SOS2: variants seen among roughly 807,000 people sequenced by gnomAD.
SOS2 encodes the protein son of sevenless homolog 2.
SOS2 carries 65 observed loss-of-function variants against 148.2 expected under a neutral mutation model. That is an observed-to-expected ratio of 0.44 (90% CI 0.36 to 0.54). The LOEUF is 0.54. SOS2 is among the 20% of genes least tolerant of loss of function. The probability of loss-of-function intolerance (pLI) is 0.00; values close to 1 mark genes in which losing one functional copy is unlikely to be tolerated. For missense variants in SOS2, 1,341 were observed against 1,590.2 expected, an observed-to-expected ratio of 0.84 and a Z score of 2.67; for synonymous variants, 539 against 537.1, an observed-to-expected ratio of 1.00 and a Z score of -0.05.
chr14:50,131,445 T>C (rs1383520338), intron 19 of SOS2, among the ~76,000 whole-genome samples: 1 of 152,186 alleles, frequency 6.6e-6, no homozygotes, highest in East Asian at 1.9e-4. Flanking sequence ...AAAAAGTGCA[T>C]GGCAAATGTC....
Position 50,150,146 on chromosome 14 carries a change from T to C in SOS2, c.2246A>G (p.Asn749Ser), listed in dbSNP as rs761689009. Residue 749 changes from asparagine to serine, a missense_variant, in exon 14 of 23, where the codon AAT becomes AGT. Transcript: ENST00000216373. ...KQAQANGVSH[N>S]ITFESPPPPI... ...TGGAGGTGGACTTTCAAAGGTAATA[T>C]TATGGCTTACTCCGTTTGCCTGAGC... is the stretch of plus-strand genomic sequence containing the variant. The C allele has an allele frequency of 1.7e-5, 28 of 1,613,320 alleles. No individual in the cohort carries two copies. The highest frequency in any genetic ancestry group is 1.1e-5 in the South Asian group (1 of 91,066).
At chr14:50,133,512 T>C (rs1326139314) in intron 19 of SOS2, among the ~76,000 whole-genome samples, 1 of 152,226 alleles carries the variant, frequency 6.6e-6, no homozygotes, top group Non-Finnish European at 1.5e-5. Flanking sequence ...TATGAACTTT[T>C]TGAAGTCCCC....
chr14:50,215,083 G>A (rs919632822), intron 1 of SOS2, among the ~76,000 whole-genome samples: 11 of 151,586 alleles, frequency 7.3e-5, no homozygotes, highest in African/African-American at 1.9e-4. Context: ...TGATCTGCCC[G>A]CCTCGTCCTC....
chr14:50,199,045 C>T (rs544843837), intron 4 of SOS2, among the ~76,000 whole-genome samples: 5 of 152,212 alleles, frequency 3.3e-5, no homozygotes, highest in African/African-American at 1.2e-4. Flanking sequence ...CCTAGCTACT[C>T]GAGAGGCTGA....
intron 14 of SOS2, among the ~76,000 whole-genome samples, chr14:50,148,772 A>G (rs1036875814): frequency 6.6e-6 from 1 of 152,268 alleles, no homozygotes; most frequent in Admixed American, 6.5e-5. Flanking sequence ...TAAAGAACAT[A>G]AAGTAAACAT....
chr14:50,194,066 A>G (rs1886241402), intron 4 of SOS2, among the ~76,000 whole-genome samples: 1 of 152,174 alleles, frequency 6.6e-6, no homozygotes, highest in Admixed American at 6.5e-5. Context: ...ATTTTAGCTA[A>G]GCATATGACA....
At chr14:50,166,325 C>T (rs887454725) in intron 8 of SOS2, among the ~76,000 whole-genome samples, 2 of 152,042 alleles carry the variant, frequency 1.3e-5, no homozygotes, top group African/African-American at 4.8e-5. Flanking sequence ...CGGGTTCAAG[C>T]GATCCTCCTG....
At position 50,216,044 on chromosome 14, in the gene SOS2, A is replaced by G. The variant is rs138126855; in HGVS notation, c.88-11635T>C. Among the ~76,000 whole-genome samples the G allele has an allele frequency of 5.8e-3, 878 of 152,248 alleles. 9 individuals carry two copies. The highest frequency in any genetic ancestry group is 0.02 in the African/African-American group (844 of 41,552). On this transcript the variant is annotated intron_variant, in intron 1 of 22. Transcript: ENST00000216373. ...TTTCCACAAGGATGCAAATATCTCA[A>G]ACATCAATTAAGAATACTGGCAATG...
chr14:50,156,705 T>TA lies in SOS2; in HGVS notation c.2057+293dup, dbSNP rs139321261. 0.026 allele frequency: 4,060 copies of TA among 158,304 alleles called. 195 individuals are homozygous for TA. The highest frequency in any genetic ancestry group is 0.09 in the African/African-American group (3,773 of 41,718). The allele number at this position is 158,304 out of a possible 1,614,324, so 9.8% of individuals were successfully genotyped here. A position where few individuals can be genotyped will look rare whatever the true frequency, so the allele number is the denominator to read the frequency against. ...GAAATTTTATAATTTTTACTTACAA[T>TA]AAAAAATAGGTATCCTGATACGTAA... On this transcript the variant is annotated intron_variant, in intron 12 of 22. Coordinates refer to ENST00000216373, the MANE Select transcript of SOS2 (RefSeq NM_006939.4).
intron 4 of SOS2, 49 bp from the exon 5 acceptor site, chr14:50,188,749 T>C (rs1886008733): frequency 7.8e-7 from 1 of 1,281,528 alleles, no homozygotes; most frequent in Non-Finnish European, 1.1e-6. Context: ...TTTACTTTTA[T>C]AAAAACTGCC....
rs74965102 is a variant in SOS2, at chr14:50,225,097, T to C, written c.87+6100A>G. 5.2e-3 allele frequency among the ~76,000 whole-genome samples: 790 copies of C among 152,228 alleles called. 7 individuals carry two copies. The highest frequency in any genetic ancestry group is 0.018 in the African/African-American group (730 of 41,524). ...TTATCCATTTGAAAAAACTTTGTAC[T>C]AGCATATATTCTTATGTAAAAGAAG... On this transcript the variant is annotated intron_variant, in intron 1 of 22. Coordinates refer to ENST00000216373, the MANE Select transcript of SOS2 (RefSeq NM_006939.4).
chr14:50,182,730 GAAAC>G, intron 5 of SOS2, 124 bp from the exon 6 acceptor site: 1 of 694,864 alleles, frequency 1.4e-6, no homozygotes, highest in Non-Finnish European at 2.4e-6. Flanking sequence ...TGCTCCACAA[GAAAC>G]AGTACTTTTG....
At chr14:50,177,944 C>T (rs1885579240) in intron 7 of SOS2, among the ~76,000 whole-genome samples, 1 of 151,920 alleles carries the variant, frequency 6.6e-6, no homozygotes, top group Non-Finnish European at 1.5e-5. Context: ...AAAGTGATGG[C>T]CTGGAAATAC....
intron 1 of SOS2, among the ~76,000 whole-genome samples, chr14:50,205,054 T>C (rs1470959944): frequency 6.6e-6 from 1 of 152,036 alleles, no homozygotes; most frequent in Non-Finnish European, 1.5e-5. Context: ...TAAATATTTG[T>C]TGAAAGAAAT....
intron 8 of SOS2, among the ~76,000 whole-genome samples, chr14:50,168,269 T>C (rs1429685560): frequency 1.3e-5 from 2 of 152,214 alleles, no homozygotes; most frequent in Non-Finnish European, 2.9e-5. Context: ...TTGCCCAGGC[T>C]GGAGTGCCGT....
At chr14:50,161,753 A>G in intron 8 of SOS2, 144 bp from the exon 9 acceptor site, 4 of 652,328 alleles carry the variant, frequency 6.1e-6, no homozygotes, top group Non-Finnish European at 9.9e-6. Context: ...AATTTTATAT[A>G]TACCTACTGC....
intron 1 of SOS2, among the ~76,000 whole-genome samples, chr14:50,209,935 T>G (rs981732987): frequency 1.3e-5 from 2 of 152,216 alleles, no homozygotes; most frequent in African/African-American, 4.8e-5. Context: ...TGTATACAAC[T>G]GAATTCTCTC....
chr14:50,160,723 G>T (rs1594981655), intron 9 of SOS2, among the ~76,000 whole-genome samples: 1 of 152,160 alleles, frequency 6.6e-6, no homozygotes, highest in East Asian at 1.9e-4. Flanking sequence ...GGGTTGGCCA[G>T]GTGCAGTGGC....
chr14:50,171,295 GTA>G (rs1223074286), intron 8 of SOS2, among the ~76,000 whole-genome samples: 1 of 151,900 alleles, frequency 6.6e-6, no homozygotes, highest in Non-Finnish European at 1.5e-5. Flanking sequence ...CCACTCCTGG[GTA>G]TATACATAAA....
Sources: allele counts gnomAD v4.1 joint callset (sites outside exome capture counted in the v4.1 genomes callset), GRCh38; gene constraint gnomAD v4.1.1; transcripts MANE v1.5; gene names NCBI Gene and HGNC (gene_info 2026-07-23, HGNC 2026-07-21).